MYO10: variants seen among roughly 807,000 people sequenced by gnomAD.
The protein encoded by MYO10 is myosin X.
A neutral mutation model predicts 257.3 loss-of-function variants in MYO10; 133 were observed. The observed-to-expected ratio is 0.52, with a 90% CI of 0.45 to 0.60. The LOEUF is 0.60. Ranked by LOEUF, MYO10 falls within the 20% of genes least tolerant of loss-of-function variation. The pLI is 0.00. For synonymous variants in MYO10, 1,104 were observed against 1,028.6 expected (o/e 1.07, Z -1.40); for missense variants, 2,399 against 2,635.7 (o/e 0.91, Z 1.97).
chr5:16,736,417 G>T (rs550309723), intron 19 of MYO10, among the ~76,000 whole-genome samples: 2 of 152,272 alleles, frequency 1.3e-5, no homozygotes, highest in East Asian at 3.9e-4. Context: ...GCAAACAATG[G>T]CTGCTCTGAG....
chr5:16,763,666 T>C lies in MYO10; in HGVS notation c.1416A>G (p.Leu472=), dbSNP rs1373963960. The part of the protein sequence containing the change: ...FNKHIFSLEQ[L]EYSREGLVWE... Reference sequence around the variant, plus strand: ...CTATGAGTGCTTACCGGCTATATTCTAGTTGTTCTAAAGAAAAAATATGCT... The same window carrying C: ...CTATGAGTGCTTACCGGCTATATTCCAGTTGTTCTAAAGAAAAAATATGCT... The change falls in exon 13 of 41, where the codon CTA becomes CTG. Residue 472 remains leucine (L), a synonymous_variant. Transcript: ENST00000513610. The C allele has an allele frequency of 1.4e-5, 22 of 1,606,496 alleles. No individual in the cohort carries two copies. Among genetic ancestry groups the C allele is most frequent in the Admixed American group, 1.7e-5 (1 of 59,872 alleles).
intron 2 of MYO10, among the ~76,000 whole-genome samples, chr5:16,858,513 C>T (rs1744027217): frequency 6.6e-6 from 1 of 151,226 alleles, no homozygotes; most frequent in Admixed American, 6.6e-5. Flanking sequence ...TCACGCAGAA[C>T]AATATATTGA....
chr5:16,700,014 G>A (rs1737969399), intron 25 of MYO10, among the ~76,000 whole-genome samples: 1 of 152,136 alleles, frequency 6.6e-6, no homozygotes, highest in Non-Finnish European at 1.5e-5. Context: ...ATCAAACCAT[G>A]CAAGAGTTCA....
At chr5:16,926,508 C>A (rs1746136698) in intron 1 of MYO10, among the ~76,000 whole-genome samples, 1 of 152,040 alleles carries the variant, frequency 6.6e-6, no homozygotes, top group African/African-American at 2.4e-5. Context: ...TTCAGATCAG[C>A]CTGGCCAACA....
In MYO10 at chr5:16,694,442, C is replaced by A; in HGVS notation, c.3729G>T (p.Gln1243His). 1 of 1,614,058 alleles carries A rather than the reference C, an allele frequency of 6.2e-7. No individual in the cohort carries two copies. Among genetic ancestry groups the A allele is most frequent in the South Asian group, 1.1e-5 (1 of 91,086 alleles). ...CGTTTTCAAAGTACATCAGCTTGGA[C>A]TGGCGGAGGACAAACCAGCGCTTCT... is the stretch of plus-strand genomic sequence containing the variant. ...NWKKRWFVLR[Q>H]SKLMYFENDS... The change falls in exon 27 of 41, where the codon CAG (glutamine) becomes CAT (histidine). Residue 1243 changes from glutamine to histidine, a missense_variant. This residue lies in a region of MYO10 where 1,820 missense variants were observed against 1,939.4 expected (regional missense o/e 0.94). Transcript: ENST00000513610.
chr5:16,898,215 C>T (rs1745267227), intron 1 of MYO10, among the ~76,000 whole-genome samples: 1 of 151,578 alleles, frequency 6.6e-6, no homozygotes, highest in Non-Finnish European at 1.5e-5. Context: ...AGAAATAAGG[C>T]AAGCCACATA....
At chr5:16,770,654 A>C (rs1207251760) in intron 9 of MYO10, among the ~76,000 whole-genome samples, 1 of 152,240 alleles carries the variant, frequency 6.6e-6, no homozygotes, top group East Asian at 1.9e-4. Context: ...TTGGACTCAC[A>C]CAAGGACCAT....
At chr5:16,860,895 G>C (rs980791115) in intron 2 of MYO10, among the ~76,000 whole-genome samples, 7 of 151,618 alleles carry the variant, frequency 4.6e-5, no homozygotes, top group African/African-American at 1.7e-4. Context: ...CAAAGGCCTC[G>C]TTAGCACTTT....
chr5:16,792,592 G>A (rs796977701), intron 4 of MYO10, among the ~76,000 whole-genome samples: 2 of 65,840 alleles, frequency 3.0e-5, no homozygotes, highest in South Asian at 4.9e-4. Context: ...GCGGGGGGCG[G>A]GGGGCTGCTC....
intron 3 of MYO10, among the ~76,000 whole-genome samples, chr5:16,797,668 T>A (rs1401134030): frequency 6.6e-6 from 1 of 152,186 alleles, no homozygotes; most frequent in East Asian, 1.9e-4. Flanking sequence ...CATGCTACAA[T>A]GTGAATGAGC....
intron 3 of MYO10, among the ~76,000 whole-genome samples, chr5:16,808,231 G>A (rs897869329): frequency 3.9e-5 from 6 of 152,198 alleles, no homozygotes; most frequent in Non-Finnish European, 8.8e-5. Context: ...AGGAAGCCCA[G>A]GTGGGAGGAT....
At chr5:16,795,664 ATTTATT>A (rs1489045211) in intron 3 of MYO10, among the ~76,000 whole-genome samples, 7 of 152,140 alleles carry the variant, frequency 4.6e-5, no homozygotes, top group African/African-American at 1.7e-4. Context: ...CCTTATTATT[ATTTATT>A]TTTATTTTTA....
chr5:16,876,470 A>C (rs1744607752), intron 2 of MYO10, among the ~76,000 whole-genome samples: 1 of 152,212 alleles, frequency 6.6e-6, no homozygotes, highest in African/African-American at 2.4e-5. Context: ...TCAGTGATTT[A>C]GTCAGTCTTC....
Position 16,718,143 on chromosome 5 carries a change from A to G in MYO10, c.1930-6898T>C, listed in dbSNP as rs547684515. Among the ~76,000 whole-genome samples the G allele has an allele frequency of 1.7e-4, 26 of 152,266 alleles. No individual in the cohort carries two copies. The South Asian group carries it at 5.0e-3, about 29-fold the overall frequency. ...CTGGGTCCCCAGGCAGTGCCAGCCCACCGGCGCTGTGCTCTGTTTCTCGCT... is the reference window on the plus strand; with the variant it reads ...CTGGGTCCCCAGGCAGTGCCAGCCCGCCGGCGCTGTGCTCTGTTTCTCGCT... On this transcript the variant is annotated intron_variant, in intron 19 of 40. Transcript: ENST00000513610.
chr5:16,717,642 T>C (rs1738928346), intron 19 of MYO10, among the ~76,000 whole-genome samples: 1 of 152,274 alleles, frequency 6.6e-6, no homozygotes, highest in African/African-American at 2.4e-5. Context: ...CAACTCTGGC[T>C]ACTCCCATAA....
At chr5:16,738,897 A>G (rs1444524613) in intron 19 of MYO10, among the ~76,000 whole-genome samples, 1 of 151,278 alleles carries the variant, frequency 6.6e-6, no homozygotes, top group African/African-American at 2.4e-5. Context: ...TCTCAAAAAA[A>G]AAAAAAAAAA....
At chr5:16,731,791 G>T (rs1313249977) in intron 19 of MYO10, among the ~76,000 whole-genome samples, 1 of 152,238 alleles carries the variant, frequency 6.6e-6, no homozygotes, top group Non-Finnish European at 1.5e-5. Flanking sequence ...CCACCAGCTT[G>T]GGATAGGGCG....
Position 16,895,753 on chromosome 5 carries a change from A to AACACACACAC in MYO10, c.22-18056_22-18047dup, listed in dbSNP as rs57628919. Reference sequence around the variant, plus strand: ...TAAGCCGCCCCCTCCCCAACACCACAACACACACACACACACACACACACA... The same window carrying AACACACACAC: ...TAAGCCGCCCCCTCCCCAACACCACAACACACACACACACACACACACACACACACACACA... On this transcript the variant is annotated intron_variant, in intron 1 of 40. Coordinates refer to ENST00000513610, the MANE Select transcript of MYO10 (RefSeq NM_012334.3). Among the ~76,000 whole-genome samples, 89 of 131,730 alleles carry AACACACACAC rather than the reference A, an allele frequency of 6.8e-4. 1 individual carries two copies. The Middle Eastern group carries it at 0.012, about 18-fold the overall frequency. 86.4% of individuals were successfully genotyped at this position (131,730 alleles called of 152,430 possible). A position where few individuals can be genotyped will look rare whatever the true frequency, so the allele number is the denominator to read the frequency against.
At chr5:16,725,562 G>A (rs930656953) in intron 19 of MYO10, among the ~76,000 whole-genome samples, 17 of 152,242 alleles carry the variant, frequency 1.1e-4, no homozygotes, top group African/African-American at 4.1e-4. Context: ...TTAAGTGTGT[G>A]ATATACATTT....
Sources: gnomAD v4.1 joint callset for allele counts (sites outside exome capture counted in the v4.1 genomes callset) on GRCh38, gnomAD v4.1.1 for gene constraint, gnomAD v4.1.1 regional missense constraint, MANE v1.5 for transcripts, NCBI Gene and HGNC (gene_info 2026-07-23, HGNC 2026-07-21) for gene names.